The following NUTM2G variants were observed in gnomAD, a reference collection of about 807,000 sequenced individuals.
NUTM2G encodes NUT family member 2G, also known as family with sequence similarity 22, member G.
In NUTM2G, 29 loss-of-function variants were observed where a neutral mutation model predicts 44.3. That is an observed-to-expected ratio of 0.66 (90% CI 0.49 to 0.89). NUTM2G has a LOEUF of 0.89. NUTM2G is among the 40% of genes least tolerant of loss of function. The pLI, the probability that NUTM2G is intolerant of heterozygous loss-of-function variation, is 0.00. For missense variants in NUTM2G, 502 were observed against 946.5 expected (o/e 0.53, Z 6.16); for synonymous variants, 205 against 395.9 (o/e 0.52, Z 5.72).
chr9:96,934,922 G>T (rs1055137449), intron 2 of NUTM2G, among the ~76,000 whole-genome samples: 1 of 151,730 alleles, frequency 6.6e-6, no homozygotes, highest in Non-Finnish European at 1.5e-5. Context: ...GAGAGCAAGA[G>T]CCCTGGTGTC....
intron 1 of NUTM2G, among the ~76,000 whole-genome samples, chr9:96,929,641 T>A (rs1447396520): frequency 6.6e-6 from 1 of 151,594 alleles, no homozygotes; most frequent in Non-Finnish European, 1.5e-5. Context: ...TCAGTTCAGG[T>A]AGCTGTTGGC....
In NUTM2G at chr9:96,938,661, C is replaced by T. The variant is rs1826526580; in HGVS notation, c.1738C>T (p.Pro580Ser). 4 of 1,604,862 alleles carry T rather than the reference C, an allele frequency of 2.5e-6. No individual in the cohort carries two copies. The highest frequency in any genetic ancestry group is 3.4e-6 in the Non-Finnish European group (4 of 1,179,498). ...PRLKAVRPTSPPQDHRPTCPG... is the reference protein window; with the variant it reads ...PRLKAVRPTSSPQDHRPTCPG... ...GCTGAAGGCTGTCCGGCCAACCTCT[C>T]CTCCCCAGGACCACAGACCCACCTG... The change falls in exon 7 of 7, where the codon CCT (proline) becomes TCT (serine). Residue 580 changes from proline (P) to serine (S), a missense_variant. By Grantham distance (74) the Pro-to-Ser change is moderately conservative. Coordinates refer to ENST00000372322, the MANE Select transcript of NUTM2G (RefSeq NM_001170741.3).
chr9:96,938,071 C>T lies in NUTM2G; in HGVS notation c.1440+70C>T, dbSNP rs1014954682. Reference sequence around the variant, plus strand: ...AGGGACCCGGCACACAAGGCCCACCCGACTGTCTAAGCCCACCCTGCTGGG... The same window carrying T: ...AGGGACCCGGCACACAAGGCCCACCTGACTGTCTAAGCCCACCCTGCTGGG... On this transcript the variant is annotated intron_variant, in intron 6 of 6. Transcript: ENST00000372322. 250 of 1,601,996 alleles carry T rather than the reference C, an allele frequency of 1.6e-4. 2 individuals carry two copies. The highest frequency in any genetic ancestry group is 4.8e-5 in the Non-Finnish European group (56 of 1,170,882).
In NUTM2G at chr9:96,936,454, T is replaced by TG. The variant is rs977218374; in HGVS notation, c.873dup (p.Gln292AlafsTer23). On this transcript the variant is annotated frameshift_variant, in exon 4 of 7. Transcript: ENST00000372322. LOFTEE classifies it high-confidence loss of function. ...CTGGAGTTTGAGGCTGAGGAGGAGATGCAGATTCAGAAATCGCAGTGGATG... is the reference window on the plus strand; with the variant it reads ...CTGGAGTTTGAGGCTGAGGAGGAGATGGCAGATTCAGAAATCGCAGTGGATG... 1.3e-6 allele frequency: 2 copies of TG among 1,577,044 alleles called. No homozygotes were observed. Among genetic ancestry groups the TG allele is most frequent in the African/African-American group, 2.7e-5 (2 of 74,442 alleles).
intron 5 of NUTM2G, 63 bp downstream of exon 5, chr9:96,937,467 G>A: frequency 3.4e-6 from 5 of 1,470,262 alleles, no homozygotes; most frequent in South Asian, 2.4e-5. Flanking sequence ...CAGGTCCTTG[G>A]AATTAAGCTC....
chr9:96,935,280 G>T (rs1277353165), intron 2 of NUTM2G, 48 bp from the exon 3 acceptor site: 1 of 1,611,000 alleles, frequency 6.2e-7, no homozygotes, highest in Non-Finnish European at 8.5e-7. Flanking sequence ...GGTGGGCCCG[G>T]GATGGAGGGT....
At chr9:96,942,856 T>G (rs1564036130), downstream of NUTM2G, 1 of 151,860 alleles carries the variant, frequency 6.6e-6, no homozygotes, top group Non-Finnish European at 1.5e-5. Context: ...TGTAAGTGGA[T>G]GGTTACTCAA....
intron 3 of NUTM2G, among the ~76,000 whole-genome samples, chr9:96,935,811 C>T (rs2119036817): frequency 6.6e-6 from 1 of 152,306 alleles, no homozygotes; most frequent in Non-Finnish European, 1.5e-5. Context: ...GCAGGCTCCT[C>T]ACAGCAGTGG....
At position 96,935,415 on chromosome 9, in the gene NUTM2G, G is replaced by C; in HGVS notation, c.801G>C (p.Thr267=). The C allele has an allele frequency of 1.2e-6, 2 of 1,612,064 alleles. No individual in the cohort carries two copies. Among genetic ancestry groups the C allele is most frequent in the South Asian group, 1.1e-5 (1 of 90,990 alleles). ...LWRAMREWQH[T]SNFDRMIFYE... ...GGGCCATGCGGGAATGGCAGCACAC[G>C]AGCAACTTTGACCGGATGATTTTCT... Residue 267 remains threonine, a synonymous_variant, in exon 3 of 7, where the codon ACG becomes ACC. Transcript: ENST00000372322.
chr9:96,932,959 CTTTCTTTTCT>C (rs1171504742), intron 2 of NUTM2G, among the ~76,000 whole-genome samples: 37 of 148,988 alleles, frequency 2.5e-4, no homozygotes, highest in African/African-American at 8.2e-4. Flanking sequence ...CCAATACTTA[CTTTCTTTTCT>C]TTTCTTTTCT....
Position 96,938,809 on chromosome 9 carries a change from G to T in NUTM2G, c.1886G>T (p.Gly629Val). The change falls in exon 7 of 7, where the codon GGT (glycine) becomes GTT (valine). Residue 629 changes from glycine (G) to valine (V), a missense_variant. Physicochemically the swap from Gly to Val is moderately radical, Grantham distance 109. Coordinates refer to ENST00000372322, the MANE Select transcript of NUTM2G (RefSeq NM_001170741.3). The part of the protein sequence containing the change: ...TELPGMVYVV[G>V]SHHRLRPWRL... ...CTCCCTGGCATGGTCTATGTCGTGG[G>T]TTCCCACCACAGGCTGAGGCCCTGG... is the stretch of plus-strand genomic sequence containing the variant. The T allele has an allele frequency of 6.4e-7, 1 of 1,558,206 alleles. No individual in the cohort carries two copies. Among genetic ancestry groups the T allele is most frequent in the Non-Finnish European group, 8.6e-7 (1 of 1,156,146 alleles).
chr9:96,936,304 G>A lies in NUTM2G; in HGVS notation c.843-121G>A. Reference sequence around the variant, plus strand: ...TCCTGGGACTGGGGGATGGGTCCCAGTGAGGGCCTAGACAGCCCGCCGGAG... The same window carrying A: ...TCCTGGGACTGGGGGATGGGTCCCAATGAGGGCCTAGACAGCCCGCCGGAG... On this transcript the variant is annotated intron_variant, in intron 3 of 6. Transcript: ENST00000372322. The A allele has an allele frequency of 2.0e-6, 3 of 1,518,774 alleles. No homozygotes were observed. The African/African-American group carries it at 4.1e-5, about 21-fold the overall frequency. 94.1% of individuals were successfully genotyped at this position (1,518,774 alleles called of 1,614,324 possible). A position where few individuals can be genotyped will look rare whatever the true frequency, so the allele number is the denominator to read the frequency against.
chr9:96,936,112 C>T (rs1246986927), intron 3 of NUTM2G, among the ~76,000 whole-genome samples: 1 of 149,578 alleles, frequency 6.7e-6, no homozygotes, highest in Non-Finnish European at 1.5e-5. Flanking sequence ...TCCCTGACGC[C>T]TTCTGCCATC....
At chr9:96,935,498 G>T in intron 3 of NUTM2G, 42 bp downstream of exon 3, 11 of 1,611,844 alleles carry the variant, frequency 6.8e-6, no homozygotes, top group Non-Finnish European at 9.3e-6. Context: ...GTGGCGGGGT[G>T]AGAGTGAATG....
chr9:96,934,418 C>T (rs545309962), intron 2 of NUTM2G, among the ~76,000 whole-genome samples: 1 of 152,014 alleles, frequency 6.6e-6, no homozygotes, highest in East Asian at 1.9e-4. Flanking sequence ...GGTTGCATCC[C>T]CCCTTGGAGC....
Position 96,938,558 on chromosome 9 carries a change from G to A in NUTM2G, c.1635G>A (p.Gln545=), listed in dbSNP as rs1278900504. ...SPPQTAAQDP[Q]GQGRVRTGMA... ...CCCAGACGGCTGCCCAGGACCCTCA[G>A]GGACAGGGCAGAGTGCGCACTGGCA... The change falls in exon 7 of 7, where the codon CAG becomes CAA. Residue 545 remains glutamine (Q), a synonymous_variant. Coordinates refer to ENST00000372322, the MANE Select transcript of NUTM2G (RefSeq NM_001170741.3). The A allele has an allele frequency of 1.2e-6, 2 of 1,613,722 alleles. No individual in the cohort carries two copies. The highest frequency in any genetic ancestry group is 1.7e-6 in the Non-Finnish European group (2 of 1,179,698).
At chr9:96,931,004 C>CCTGTCT (rs1360150634) in intron 1 of NUTM2G, among the ~76,000 whole-genome samples, 4 of 146,480 alleles carry the variant, frequency 2.7e-5, no homozygotes, top group Non-Finnish European at 6.0e-5. Flanking sequence ...AAGCAATTCT[C>CCTGTCT]CTGTCTCAGC....
chr9:96,936,814 A>G (rs1826447166), intron 4 of NUTM2G, among the ~76,000 whole-genome samples: 1 of 152,192 alleles, frequency 6.6e-6, no homozygotes, highest in African/African-American at 2.4e-5. Context: ...CCAAAACTCC[A>G]CATATGCTCT....
At chr9:96,934,907 T>C (rs1464552885) in intron 2 of NUTM2G, among the ~76,000 whole-genome samples, 3 of 151,828 alleles carry the variant, frequency 2.0e-5, no homozygotes, top group Non-Finnish European at 4.4e-5. Flanking sequence ...TGTGCTCTTG[T>C]GGCTGAGAGC....
Sources: gnomAD v4.1 joint callset for allele counts (sites outside exome capture counted in the v4.1 genomes callset) on GRCh38, gnomAD v4.1.1 for gene constraint, MANE v1.5 for transcripts, NCBI Gene and HGNC (gene_info 2026-07-23, HGNC 2026-07-21) for gene names.